The following FBXL20 variants were observed in gnomAD, a reference collection of about 807,000 sequenced individuals.
FBXL20 encodes the protein F-box/LRR-repeat protein 20.
In FBXL20, 11 loss-of-function variants were observed where a neutral mutation model predicts 64.0. The observed-to-expected ratio is 0.17, with a 90% CI of 0.11 to 0.28. FBXL20 has a LOEUF of 0.28. FBXL20 is among the 10% of genes least tolerant of loss of function. FBXL20 has a pLI of 1.00. For missense variants in FBXL20, 303 were observed against 526.2 expected (o/e 0.58, Z 4.15); for synonymous variants, 184 against 189.0 (o/e 0.97, Z 0.22).
intron 6 of FBXL20, among the ~76,000 whole-genome samples, chr17:39,286,391 T>G (rs1333075906): frequency 6.6e-6 from 1 of 152,022 alleles, no homozygotes; most frequent in African/African-American, 2.4e-5. Context: ...TTTTTCATAT[T>G]GTTTGTAGAG....
rs1567896959 is a variant in FBXL20, at chr17:39,363,817, A to AAAAAACAAAC, written c.43-20577_43-20576insGTTTGTTTTT. On this transcript the variant is annotated intron_variant, in intron 1 of 14. Transcript: ENST00000264658. ...CAGAGCAAGACTTTATCTCAAAAAAAAAAAAAAAACAAAAAACAAAAAAAA... is the reference window on the plus strand; with the variant it reads ...CAGAGCAAGACTTTATCTCAAAAAAAAAAAACAAACAAAAAAAAACAAAAAACAAAAAAAA... 3.5e-5 allele frequency among the ~76,000 whole-genome samples: 5 copies of AAAAAACAAAC among 143,684 alleles called. No homozygotes were observed. In the East Asian group the frequency reaches 1.0e-3, roughly 30 times the overall value. 94.3% of individuals were successfully genotyped at this position (143,684 alleles called of 152,430 possible).
chr17:39,362,349 C>T (rs940380110), intron 1 of FBXL20, among the ~76,000 whole-genome samples: 2 of 152,168 alleles, frequency 1.3e-5, no homozygotes, highest in Non-Finnish European at 2.9e-5. Flanking sequence ...CCTGTAATCC[C>T]AGCACTTTAG....
At chr17:39,284,584 A>G (rs1193147469) in intron 7 of FBXL20, among the ~76,000 whole-genome samples, 1 of 151,788 alleles carries the variant, frequency 6.6e-6, no homozygotes, top group Non-Finnish European at 1.5e-5. Context: ...GGGTTTCCCT[A>G]TGTTGCGCAG....
chr17:39,348,706 G>C (rs934056684), intron 1 of FBXL20, among the ~76,000 whole-genome samples: 1 of 152,174 alleles, frequency 6.6e-6, no homozygotes, highest in Admixed American at 6.5e-5. Flanking sequence ...GTGTTTACAT[G>C]TTCTTACTTT....
rs144328327 is a variant in FBXL20 at position 39,393,473 on chromosome 17, T to C, written c.42+7888A>G. ...TTATATATTTATTGCCAACCTTCAC[T>C]TCCATGTTGTTAGATAAAATTTCTG... On this transcript the variant is annotated intron_variant, in intron 1 of 14. Transcript: ENST00000264658. 2.7e-3 allele frequency among the ~76,000 whole-genome samples: 415 copies of C among 152,268 alleles called. 1 individual carries two copies. The highest frequency in any genetic ancestry group is 9.3e-3 in the African/African-American group (386 of 41,556).
intron 1 of FBXL20, among the ~76,000 whole-genome samples, chr17:39,346,712 C>G (rs1038331842): frequency 6.6e-6 from 1 of 151,650 alleles, no homozygotes; most frequent in African/African-American, 2.4e-5. Flanking sequence ...TTTTATTATA[C>G]TTTAAGTTCT....
At chr17:39,312,176 G>A (rs1597790756) in intron 2 of FBXL20, among the ~76,000 whole-genome samples, 1 of 152,182 alleles carries the variant, frequency 6.6e-6, no homozygotes, top group East Asian at 1.9e-4. Context: ...CAGCACTTTA[G>A]GAGGCCGAGG....
At chr17:39,315,654 G>A (rs1170632444) in intron 2 of FBXL20, among the ~76,000 whole-genome samples, 1 of 151,810 alleles carries the variant, frequency 6.6e-6, no homozygotes, top group Non-Finnish European at 1.5e-5. Context: ...GGGCAGCCTT[G>A]GGTAGAGTGT....
intron 1 of FBXL20, among the ~76,000 whole-genome samples, chr17:39,378,756 C>CCCA: frequency 6.6e-6 from 1 of 151,300 alleles, no homozygotes; most frequent in East Asian, 2.0e-4. Flanking sequence ...ATTACAGGCG[C>CCCA]CCACCACCAC....
chr17:39,349,176 C>T (rs974635222), intron 1 of FBXL20, among the ~76,000 whole-genome samples: 2 of 151,426 alleles, frequency 1.3e-5, no homozygotes, highest in Non-Finnish European at 2.9e-5. Flanking sequence ...CACTTGAACC[C>T]GGGAGACAGA....
chr17:39,396,226 G>GA (rs35417326), intron 1 of FBXL20, among the ~76,000 whole-genome samples: 2 of 151,988 alleles, frequency 1.3e-5, no homozygotes, highest in Non-Finnish European at 2.9e-5. Flanking sequence ...TAGGATTCTA[G>GA]AAAAAAGGTA....
chr17:39,400,133 T>C (rs1011121804), intron 1 of FBXL20, among the ~76,000 whole-genome samples: 1 of 152,182 alleles, frequency 6.6e-6, no homozygotes, highest in African/African-American at 2.4e-5. Flanking sequence ...TCAAGTTAAA[T>C]ACTAAAACTC....
intron 2 of FBXL20, among the ~76,000 whole-genome samples, chr17:39,336,778 T>C (rs2047525900): frequency 2.0e-5 from 3 of 151,022 alleles, no homozygotes; most frequent in African/African-American, 7.3e-5. Context: ...GAGCCGAGAT[T>C]GCACCATTGC....
intron 1 of FBXL20, among the ~76,000 whole-genome samples, chr17:39,343,687 C>T (rs983255951): frequency 1.3e-5 from 2 of 149,290 alleles, no homozygotes; most frequent in African/African-American, 5.0e-5. Flanking sequence ...GGCAACGTGG[C>T]GAAAACTCTT....
At chr17:39,292,305 G>C (rs1172880959) in intron 6 of FBXL20, among the ~76,000 whole-genome samples, 2 of 150,162 alleles carry the variant, frequency 1.3e-5, no homozygotes, top group African/African-American at 2.5e-5. Flanking sequence ...ATAATAGTAT[G>C]TATTTTCCCA....
intron 11 of FBXL20, among the ~76,000 whole-genome samples, chr17:39,270,130 G>A (rs2144354180): frequency 6.6e-6 from 1 of 152,292 alleles, no homozygotes; most frequent in East Asian, 1.9e-4. Flanking sequence ...TTTAGAACCA[G>A]ACATGTGTTT....
chr17:39,347,189 C>T (rs573077390), intron 1 of FBXL20, among the ~76,000 whole-genome samples: 1 of 152,262 alleles, frequency 6.6e-6, no homozygotes, highest in South Asian at 2.1e-4. Flanking sequence ...GATTTATAAT[C>T]CTTTGGGTAT....
In FBXL20 at chr17:39,258,358, CA is replaced by C. The variant is rs1282697790; in HGVS notation, c.*3101del. The C allele has an allele frequency of 1.3e-5, 2 of 152,158 alleles. No homozygotes were observed. Among genetic ancestry groups the C allele is most frequent in the African/African-American group, 4.8e-5 (2 of 41,442 alleles). 9.4% of individuals were successfully genotyped at this position (152,158 alleles called of 1,614,324 possible). On this transcript the variant is annotated 3_prime_UTR_variant, in exon 15 of 15. Coordinates refer to ENST00000264658, the MANE Select transcript of FBXL20 (RefSeq NM_032875.3). ...CATATTCATCAGCTGGTGTAGGCTG[CA>C]AATCAGCATAAAAAAATGTATTTCC...
At position 39,261,160 on chromosome 17, in the gene FBXL20, CCCCT is replaced by C. The variant is rs537883266; in HGVS notation, c.*296_*299del. On this transcript the variant is annotated 3_prime_UTR_variant, in exon 15 of 15. Coordinates refer to ENST00000264658, the MANE Select transcript of FBXL20 (RefSeq NM_032875.3). ...CATTAACACGGGGTTTGCTGGAATGCCCCTCCCTATCTTGGCCTATGATTTTCTT... is the reference window on the plus strand; with the variant it reads ...CATTAACACGGGGTTTGCTGGAATGCCCCTATCTTGGCCTATGATTTTCTT... 505 of 303,040 alleles carry C rather than the reference CCCCT, an allele frequency of 1.7e-3. No individual in the cohort carries two copies. The highest frequency in any genetic ancestry group is 7.8e-3 in the Middle Eastern group (7 of 892). 18.8% of individuals were successfully genotyped at this position (303,040 alleles called of 1,614,324 possible). A position where few individuals can be genotyped will look rare whatever the true frequency, so the allele number is the denominator to read the frequency against.
Sources: allele counts gnomAD v4.1 joint callset (sites outside exome capture counted in the v4.1 genomes callset), GRCh38; gene constraint gnomAD v4.1.1; transcripts MANE v1.5; gene names NCBI Gene and HGNC (gene_info 2026-07-23, HGNC 2026-07-21).